ZFHX3: variants seen among roughly 807,000 people sequenced by gnomAD.
ZFHX3 encodes the protein zinc finger homeobox 3.
Under a neutral mutation model 279.1 loss-of-function variants are expected in ZFHX3, and 42 were observed. That is an observed-to-expected ratio of 0.15 (90% CI 0.12 to 0.19). The LOEUF (loss-of-function observed/expected upper bound fraction) is 0.19, where lower values mean the gene tolerates loss of function less well. ZFHX3 is among the 10% of genes least tolerant of loss of function. ZFHX3 has a pLI of 1.00. For synonymous variants in ZFHX3, 2,293 were observed against 1,957.8 expected, an observed-to-expected ratio of 1.17 and a Z score of -4.52; for missense variants, 4,981 against 4,754.0, an observed-to-expected ratio of 1.05 and a Z score of -1.40.
intron 2 of ZFHX3, among the ~76,000 whole-genome samples, chr16:73,553,204 T>C (rs1352756948): frequency 6.6e-6 from 1 of 152,182 alleles, no homozygotes; most frequent in Non-Finnish European, 1.5e-5. Flanking sequence ...TTTTTTTTTT[T>C]TTCAAAATAG....
intron 2 of ZFHX3, among the ~76,000 whole-genome samples, chr16:72,954,372 A>C (rs1961147273): frequency 6.6e-6 from 1 of 152,160 alleles, no homozygotes; most frequent in African/African-American, 2.4e-5. Context: ...CTCCATCTCA[A>C]AAAAAAGAAA....
At chr16:73,484,007 A>G (rs570446974) in intron 2 of ZFHX3, among the ~76,000 whole-genome samples, 1 of 150,364 alleles carries the variant, frequency 6.7e-6, no homozygotes, top group African/African-American at 2.5e-5. Context: ...AACAGTCTGA[A>G]ATCCCCCACT....
chr16:73,181,857 G>A (rs997246515), intron 5 of ZFHX3, among the ~76,000 whole-genome samples: 1 of 152,152 alleles, frequency 6.6e-6, no homozygotes, highest in African/African-American at 2.4e-5. Flanking sequence ...AGCAGCTGAT[G>A]TTCTACCTGC....
chr16:73,646,057 A>T (rs907076286), intron 2 of ZFHX3, among the ~76,000 whole-genome samples: 6 of 152,240 alleles, frequency 3.9e-5, no homozygotes, highest in Non-Finnish European at 5.9e-5. Flanking sequence ...TGTGTTTCAA[A>T]AGACTAAAAA....
intron 3 of ZFHX3, among the ~76,000 whole-genome samples, chr16:73,433,998 G>A (rs1376165882): frequency 6.6e-6 from 1 of 152,192 alleles, no homozygotes; most frequent in African/African-American, 2.4e-5. Context: ...CTGGGAGGGG[G>A]GCGAGCTGGA....
intron 1 of ZFHX3, among the ~76,000 whole-genome samples, chr16:72,988,089 A>G (rs71388952): frequency 0.042 from 6,346 of 152,274 alleles, 150 homozygotes; most frequent in Admixed American, 0.076. Context: ...CCTAAGAACA[A>G]TATGGTCCAC....
intron 2 of ZFHX3, among the ~76,000 whole-genome samples, chr16:73,476,253 A>G (rs904392002): frequency 6.6e-6 from 1 of 152,162 alleles, no homozygotes; most frequent in Non-Finnish European, 1.5e-5. Context: ...ATTTTAACGT[A>G]AAGTTTTTTT....
At chr16:72,808,845 T>C (rs1350357065) in intron 7 of ZFHX3, among the ~76,000 whole-genome samples, 1 of 152,250 alleles carries the variant, frequency 6.6e-6, no homozygotes, top group African/African-American at 2.4e-5. Flanking sequence ...TGCAAAATAC[T>C]TGACGGAGGG....
intron 3 of ZFHX3, among the ~76,000 whole-genome samples, chr16:73,338,213 C>T (rs989654137): frequency 6.6e-6 from 1 of 152,140 alleles, no homozygotes; most frequent in Non-Finnish European, 1.5e-5. Flanking sequence ...CTCAGCCCTG[C>T]CTAGCAATCC....
rs112397356 is a variant in ZFHX3, at chr16:73,341,421, T to C, written c.-1290-23085A>G. Among the ~76,000 whole-genome samples the C allele has an allele frequency of 9.7e-4, 148 of 152,230 alleles. 1 individual carries two copies. The highest frequency in any genetic ancestry group is 3.4e-3 in the African/African-American group (143 of 41,534). ...TGTGAACAGATGATTCCAAAAAAGA[T>C]ACATAAGTAGCCTTTAAACATAAGA... On this transcript the variant is annotated intron_variant, in intron 3 of 17. Transcript: ENST00000641206.
chr16:73,002,601 T>C (rs1176260892), intron 1 of ZFHX3, among the ~76,000 whole-genome samples: 1 of 152,182 alleles, frequency 6.6e-6, no homozygotes, highest in Non-Finnish European at 1.5e-5. Flanking sequence ...AGGCGATTGA[T>C]TCCACAAGCT....
intron 1 of ZFHX3, among the ~76,000 whole-genome samples, chr16:73,873,088 G>C (rs1319741933): frequency 1.8e-5 from 1 of 57,124 alleles, no homozygotes; most frequent in African/African-American, 8.5e-5. Flanking sequence ...GGTGGTGGGT[G>C]GTGGGTGGTA....
chr16:73,802,842 G>C (rs990377450), intron 1 of ZFHX3, among the ~76,000 whole-genome samples: 1 of 152,056 alleles, frequency 6.6e-6, no homozygotes, highest in Non-Finnish European at 1.5e-5. Context: ...TTTTTTAATA[G>C]AGCCTCACTC....
chr16:73,296,583 C>T (rs1341443935), intron 4 of ZFHX3, among the ~76,000 whole-genome samples: 1 of 152,158 alleles, frequency 6.6e-6, no homozygotes, highest in Admixed American at 6.5e-5. Context: ...TAATGGCTTC[C>T]TTCTTGCTTT....
chr16:72,972,075 T>C (rs1021319935), intron 1 of ZFHX3, among the ~76,000 whole-genome samples: 1 of 151,954 alleles, frequency 6.6e-6, no homozygotes, highest in African/African-American at 2.4e-5. Flanking sequence ...GTAGTTTTAG[T>C]AGAGTCAGGG....
At chr16:73,379,038 G>C (rs1183993497) in intron 3 of ZFHX3, among the ~76,000 whole-genome samples, 2 of 152,206 alleles carry the variant, frequency 1.3e-5, no homozygotes, top group Admixed American at 6.5e-5. Flanking sequence ...AGAACTCAGT[G>C]TGTGGATGAT....
At chr16:73,878,910 C>A (rs1054701934) in intron 1 of ZFHX3, among the ~76,000 whole-genome samples, 1 of 149,292 alleles carries the variant, frequency 6.7e-6, no homozygotes, top group East Asian at 2.0e-4. Flanking sequence ...GACATCCAGT[C>A]CTACATCCTT....
intron 2 of ZFHX3, among the ~76,000 whole-genome samples, chr16:73,667,779 A>G (rs955285533): frequency 1.3e-5 from 2 of 152,220 alleles, no homozygotes; most frequent in Non-Finnish European, 2.9e-5. Flanking sequence ...CTTACTGGAG[A>G]AGCCACAAAA....
At chr16:72,934,803 C>T (rs971116219) in intron 3 of ZFHX3, among the ~76,000 whole-genome samples, 1 of 152,146 alleles carries the variant, frequency 6.6e-6, no homozygotes, top group African/African-American at 2.4e-5. Flanking sequence ...AAACTGCAGC[C>T]GCACATCAGA....
Sources: gnomAD v4.1 joint callset for allele counts (sites outside exome capture counted in the v4.1 genomes callset) on GRCh38, gnomAD v4.1.1 for gene constraint, MANE v1.5 for transcripts, NCBI Gene and HGNC (gene_info 2026-07-23, HGNC 2026-07-21) for gene names.